The following SAMD11 variants were observed in gnomAD, a reference collection of about 807,000 sequenced individuals.
SAMD11 encodes sterile alpha motif domain-containing protein 11.
In SAMD11, 77 loss-of-function variants were observed where a neutral mutation model predicts 64.4. The observed-to-expected ratio is 1.20, with a 90% CI of 0.99 to 1.44. SAMD11 has a LOEUF of 1.44. SAMD11 is among the 40% of genes most tolerant of loss of function. SAMD11 has a pLI of 0.00. For missense variants in SAMD11, 1,402 were observed against 943.3 expected (o/e 1.49, Z -6.37); for synonymous variants, 658 against 421.9 (o/e 1.56, Z -6.86).
At chr1:927,948 C>G (rs1047933685) in intron 2 of SAMD11, among the ~76,000 whole-genome samples, 2 of 152,280 alleles carry the variant, frequency 1.3e-5, no homozygotes, top group African/African-American at 4.8e-5. Flanking sequence ...CTCTGCGCAT[C>G]ACGGGGCTGA....
At chr1:935,604 G>A (rs1010811670) in intron 4 of SAMD11, among the ~76,000 whole-genome samples, 168 bp from the exon 5 acceptor site, 1 of 152,204 alleles carries the variant, frequency 6.6e-6, no homozygotes, top group African/African-American at 2.4e-5. Context: ...CTGCGTGGGT[G>A]TGCACACAGT....
chr1:941,332 C>T, intron 8 of SAMD11, 26 bp downstream of exon 8: 1 of 1,521,426 alleles, frequency 6.6e-7, no homozygotes, highest in Non-Finnish European at 8.8e-7. Flanking sequence ...CCGTTCTCTG[C>T]TTGTTTCTGG....
At chr1:938,574 T>C (rs1405078937) in intron 5 of SAMD11, among the ~76,000 whole-genome samples, 1 of 152,000 alleles carries the variant, frequency 6.6e-6, no homozygotes, top group Non-Finnish European at 1.5e-5. Context: ...GCCCAGTGAC[T>C]CACAGAGCAG....
chr1:932,548 C>T (rs1369498888), intron 4 of SAMD11, among the ~76,000 whole-genome samples: 1 of 152,244 alleles, frequency 6.6e-6, no homozygotes, highest in South Asian at 2.1e-4. Flanking sequence ...GTTGACCTGA[C>T]CCTGGTGTCC....
chr1:938,343 C>T (rs1464037233), intron 5 of SAMD11, among the ~76,000 whole-genome samples: 1 of 152,044 alleles, frequency 6.6e-6, no homozygotes, highest in East Asian at 1.9e-4. Flanking sequence ...GCTGGGCTGG[C>T]CTCGTGGCTG....
rs148774856 is a variant in SAMD11 at position 931,050 on chromosome 1, A to G, written c.803A>G (p.His268Arg). 3.8e-5 allele frequency: 62 copies of G among 1,612,702 alleles called. No homozygotes were observed. Among genetic ancestry groups the G allele is most frequent in the Non-Finnish European group, 4.6e-5 (54 of 1,179,650 alleles). The change falls in exon 4 of 14, where the codon CAC becomes CGC. Residue 268 changes from histidine to arginine, a missense_variant. Transcript: ENST00000616016. ...IRIMKRRVHT[H>R]WDVNISFREA... ...TTCCCTTCCTGCAGAGTCCACACCC[A>G]CTGGGACGTGAACATCTCTTTCCGA...
chr1:943,942 C>T lies in SAMD11; in HGVS notation c.2324C>T (p.Ala775Val), dbSNP rs138668810. The T allele has an allele frequency of 2.1e-5, 34 of 1,612,658 alleles. No homozygotes were observed. The African/African-American group carries it at 4.3e-4, about 20-fold the overall frequency. ...CGCCTGGGCCGAGTTTTCTACGTGG[C>T]CAGCTTCCCCGTGGCTCTGCCACTG... is the stretch of plus-strand genomic sequence containing the variant. The part of the protein sequence containing the change: ...ARRLGRVFYV[A>V]SFPVALPLQP... The change falls in exon 14 of 14, where the codon GCC becomes GTC. Residue 775 changes from alanine (A) to valine (V), a missense_variant. Ala to Val is a moderately conservative substitution (Grantham distance 64, BLOSUM62 0). Transcript: ENST00000616016.
chr1:942,825 C>G lies in SAMD11; in HGVS notation c.1820C>G (p.Pro607Arg), dbSNP rs1010876057. Residue 607 changes from proline to arginine, a missense_variant, in exon 11 of 14, where the codon CCC becomes CGC. Physicochemically the swap from Pro to Arg is moderately radical, Grantham distance 103. Transcript: ENST00000616016. ...KGGPGPASAR[P>R]SESKEMTGAR... The stretch of plus-strand genomic sequence containing the variant: ...GGTCCCGGCCCTGCCTCAGCGCGGC[C>G]CAGCGAGTCCAAGGAGATGACGGGG... 30 of 1,549,242 alleles carry G rather than the reference C, an allele frequency of 1.9e-5. No homozygotes were observed. The African/African-American group carries it at 2.9e-4, about 15-fold the overall frequency.
chr1:929,957 C>T (rs1329222094), intron 2 of SAMD11, among the ~76,000 whole-genome samples, 198 bp from the exon 3 acceptor site: 1 of 152,204 alleles, frequency 6.6e-6, no homozygotes, highest in East Asian at 1.9e-4. Context: ...CCTGCTGGCC[C>T]CAGGCGCATC....
intron 7 of SAMD11, 60 bp downstream of exon 7, chr1:939,472 CCCT>C (rs1485352911): frequency 6.4e-7 from 1 of 1,552,856 alleles, no homozygotes; most frequent in Non-Finnish European, 8.8e-7. Context: ...TGAGGACCCA[CCCT>C]GGCATGATCT....
chr1:938,764 T>G (rs1641592315), intron 5 of SAMD11, among the ~76,000 whole-genome samples: 1 of 152,170 alleles, frequency 6.6e-6, no homozygotes, highest in Non-Finnish European at 1.5e-5. Context: ...AGAGGCTAGA[T>G]GGCGGGTGGG....
chr1:931,107 C>G lies in SAMD11; in HGVS notation c.842+18C>G. On this transcript the variant is annotated intron_variant, in intron 4 of 13. Coordinates refer to ENST00000616016, the MANE Select transcript of SAMD11 (RefSeq NM_001385641.1). ...TCCTGCAGGTAGGAGCCGTGCTGTG[C>G]GTGCATAAGAGGGGGCCGTGACTCC... 6.2e-7 allele frequency: 1 copy of G among 1,609,316 alleles called. No homozygotes were observed. The highest frequency in any genetic ancestry group is 8.5e-7 in the Non-Finnish European group (1 of 1,177,502).
In SAMD11 at chr1:944,004, G is replaced by A. The variant is rs187111693; in HGVS notation, c.2386G>A (p.Gly796Ser). The A allele has an allele frequency of 3.4e-4, 551 of 1,612,862 alleles. 2 individuals are homozygous for A. In the East Asian group the frequency reaches 3.8e-3, roughly 11 times the overall value. The change falls in exon 14 of 14, where the codon GGC becomes AGC. Residue 796 changes from glycine to serine, a missense_variant. Physicochemically the swap from Gly to Ser is moderately conservative, Grantham distance 56. Transcript: ENST00000616016. ...CCTGCGGGCCCCGGAGCGAGAACTC[G>A]GCACAGGAGAGCAGCCCTTGTCCCC... ...PTLRAPEREL[G>S]TGEQPLSPTT...
At position 942,214 on chromosome 1, in the gene SAMD11, C is replaced by T. The variant is rs759765733; in HGVS notation, c.1437C>T (p.Pro479=). ...HVALGPHLRP[P]FLGVPSALCQ... The stretch of plus-strand genomic sequence containing the variant: ...CCCTGGGCCCCCATCTCAGGCCCCC[C>T]TTCCTGGGGGTGCCCTCGGCTCTGT... Residue 479 remains proline, a synonymous_variant, in exon 9 of 14, where the codon CCC becomes CCT. Transcript: ENST00000616016. 11 of 1,361,718 alleles carry T rather than the reference C, an allele frequency of 8.1e-6. No homozygotes were observed. Among genetic ancestry groups the T allele is most frequent in the South Asian group, 1.8e-5 (1 of 56,668 alleles). The allele number at this position is 1,361,718 out of a possible 1,614,324, so 84.4% of individuals were successfully genotyped here.
intron 5 of SAMD11, among the ~76,000 whole-genome samples, chr1:938,320 GT>G (rs2100340238): frequency 6.6e-6 from 1 of 152,306 alleles, no homozygotes; most frequent in East Asian, 1.9e-4. Flanking sequence ...GCTGGGCTGT[GT>G]TTGGGGCTAG....
chr1:933,647 C>A (rs1211606846), intron 4 of SAMD11, among the ~76,000 whole-genome samples: 1 of 152,232 alleles, frequency 6.6e-6, no homozygotes, highest in African/African-American at 2.4e-5. Context: ...TCTCCTGACA[C>A]CCCCGCGTCG....
At position 944,023 on chromosome 1, in the gene SAMD11, T is replaced by C. The variant is rs138114411; in HGVS notation, c.2405T>C (p.Leu802Ser). ...ERELGTGEQP[L>S]SPTTATSPYG... is the part of the protein sequence containing the mutation. ...GAACTCGGCACAGGAGAGCAGCCCT[T>C]GTCCCCCACGACGGCCACGTCCCCC... Residue 802 changes from leucine (L) to serine (S), a missense_variant, in exon 14 of 14, where the codon TTG (leucine) becomes TCG (serine). Transcript: ENST00000616016. 2.5e-6 allele frequency: 4 copies of C among 1,612,740 alleles called. No homozygotes were observed. The African/African-American group carries it at 5.3e-5, about 22-fold the overall frequency.
At chr1:935,654 G>A (rs1258760444) in intron 4 of SAMD11, 118 bp from the exon 5 acceptor site, 10 of 1,374,828 alleles carry the variant, frequency 7.3e-6, no homozygotes, top group East Asian at 4.7e-5. Flanking sequence ...GCACAGCAAC[G>A]TGGCACTCAG....
In SAMD11 at chr1:926,866, C is replaced by T. The variant is rs149152803; in HGVS notation, c.609+853C>T. 2.0e-4 allele frequency among the ~76,000 whole-genome samples: 31 copies of T among 152,278 alleles called. No individual in the cohort carries two copies. In the East Asian group the frequency reaches 2.7e-3, roughly 13 times the overall value. On this transcript the variant is annotated intron_variant, in intron 2 of 13. Coordinates refer to ENST00000616016, the MANE Select transcript of SAMD11 (RefSeq NM_001385641.1). ...TTCCTGACACACTCAGGAACCCCTT[C>T]TTCCAGGAAAGGGTAGGAGAGGCAG...
Sources: allele counts gnomAD v4.1 joint callset (sites outside exome capture counted in the v4.1 genomes callset), GRCh38; gene constraint gnomAD v4.1.1; transcripts MANE v1.5; gene names NCBI Gene and HGNC (gene_info 2026-07-23, HGNC 2026-07-21).